TMOD3: variants seen among roughly 807,000 people sequenced by gnomAD.
TMOD3 encodes the protein tropomodulin-3.
Under a neutral mutation model 39.2 loss-of-function variants are expected in TMOD3, and 20 were observed. The ratio of observed to expected loss-of-function variants is 0.51; its 90% CI spans 0.36 to 0.74. The LOEUF (loss-of-function observed/expected upper bound fraction) is 0.74, where lower values mean the gene tolerates loss of function less well. TMOD3 is among the 30% of genes least tolerant of loss of function. The pLI, the probability that TMOD3 is intolerant of heterozygous loss-of-function variation, is 0.00. For missense variants in TMOD3, 381 were observed against 412.8 expected, an observed-to-expected ratio of 0.92 and a Z score of 0.67; for synonymous variants, 143 against 145.8, an observed-to-expected ratio of 0.98 and a Z score of 0.14.
intron 3 of TMOD3, among the ~76,000 whole-genome samples, chr15:51,869,929 G>GT (rs899128990): frequency 6.6e-6 from 1 of 151,736 alleles, no homozygotes; most frequent in Non-Finnish European, 1.5e-5. Context: ...GGCTGTGGTT[G>GT]TTTTTTTGTT....
rs1193465450 is a variant in TMOD3 at position 51,881,533 on chromosome 15, AC to A, written c.284-6055del. ...TTGCCTAATTCAAGGTCACGGAGAT[AC>A]AATCTTTCTTTATTTCTTTTTTTTT... On this transcript the variant is annotated intron_variant, in intron 3 of 9. Transcript: ENST00000308580. Among the ~76,000 whole-genome samples, 18 of 149,258 alleles carry A rather than the reference AC, an allele frequency of 1.2e-4. No individual in the cohort carries two copies. The East Asian group carries it at 3.3e-3, about 27-fold the overall frequency.
At chr15:51,900,406 G>A in intron 8 of TMOD3, 108 bp downstream of exon 8, 3 of 1,252,086 alleles carry the variant, frequency 2.4e-6, no homozygotes, top group Non-Finnish European at 3.3e-6. Flanking sequence ...GATCCCTGTT[G>A]GAAGATGCTG....
chr15:51,883,454 G>GT (rs1032749943), intron 3 of TMOD3, among the ~76,000 whole-genome samples: 4 of 151,616 alleles, frequency 2.6e-5, no homozygotes, highest in East Asian at 3.9e-4. Context: ...AGCTTGTTTA[G>GT]TTTTTTTTTA....
At chr15:51,867,519 AATTTTAT>A (rs1447686832) in intron 2 of TMOD3, among the ~76,000 whole-genome samples, 1 of 152,218 alleles carries the variant, frequency 6.6e-6, no homozygotes, top group African/African-American at 2.4e-5. Flanking sequence ...CACAGAAGTG[AATTTTAT>A]GAAAATTATT....
chr15:51,904,127 C>A (rs1278229451), intron 9 of TMOD3, among the ~76,000 whole-genome samples: 2 of 152,200 alleles, frequency 1.3e-5, no homozygotes, highest in Non-Finnish European at 2.9e-5. Context: ...GAAACCCTGG[C>A]TTGTTTCTCC....
chr15:51,894,204 A>T (rs1382612830), intron 6 of TMOD3, among the ~76,000 whole-genome samples: 1 of 152,188 alleles, frequency 6.6e-6, no homozygotes, highest in Non-Finnish European at 1.5e-5. Context: ...CAGGTTTTCT[A>T]AATACTGCCC....
chr15:51,831,387 A>C (rs1190335587), intron 1 of TMOD3, among the ~76,000 whole-genome samples: 1 of 152,208 alleles, frequency 6.6e-6, no homozygotes, highest in Admixed American at 6.5e-5. Context: ...TACAACAGAA[A>C]GGCCCTGAAT....
intron 1 of TMOD3, among the ~76,000 whole-genome samples, chr15:51,850,642 C>A (rs1567263174): frequency 6.6e-6 from 1 of 152,178 alleles, no homozygotes; most frequent in East Asian, 1.9e-4. Context: ...AGTGGTGATA[C>A]ATTTTAAATG....
At chr15:51,885,284 C>CTTTTTTTTTTTTTTT (rs67378569) in intron 3 of TMOD3, among the ~76,000 whole-genome samples, 1 of 126,974 alleles carries the variant, frequency 7.9e-6, no homozygotes, top group East Asian at 2.3e-4. Flanking sequence ...TTTCTTTTTT[C>CTTTTTTTTTTTTTTT]TTTTTTTTTT....
intron 1 of TMOD3, among the ~76,000 whole-genome samples, chr15:51,834,191 T>C (rs1309609830): frequency 6.6e-6 from 1 of 152,206 alleles, no homozygotes; most frequent in Non-Finnish European, 1.5e-5. Context: ...CTTTGTCACA[T>C]ATAGAGATAG....
chr15:51,891,638 G>A (rs760378913), intron 5 of TMOD3, among the ~76,000 whole-genome samples: 24 of 152,082 alleles, frequency 1.6e-4, no homozygotes, highest in Non-Finnish European at 3.4e-4. Context: ...AGGCTCTTAA[G>A]ATTTCTCTCC....
At chr15:51,903,046 A>C (rs2056660993) in intron 9 of TMOD3, among the ~76,000 whole-genome samples, 1 of 152,106 alleles carries the variant, frequency 6.6e-6, no homozygotes, top group African/African-American at 2.4e-5. Flanking sequence ...GGCCTCCCAA[A>C]GTGCTGGGAT....
chr15:51,896,439 A>G lies in TMOD3; in HGVS notation c.648A>G (p.Leu216=), dbSNP rs370201130. ...NNIKNIPIPT[L]KDFAKALETN... ...TCAAGAATATCCCAATTCCAACCCT[A>G]AAAGATTTTGCAAAGGCTTTGGAAA... Residue 216 remains leucine (L), a synonymous_variant, in exon 7 of 10, where the codon CTA becomes CTG. Transcript: ENST00000308580. 4 of 1,612,752 alleles carry G rather than the reference A, an allele frequency of 2.5e-6. No homozygotes were observed. In the East Asian group the frequency reaches 6.7e-5, roughly 27 times the overall value.
intron 9 of TMOD3, 97 bp from the exon 10 acceptor site, chr15:51,908,679 A>G: frequency 1.1e-6 from 1 of 885,474 alleles, no homozygotes; most frequent in East Asian, 2.8e-5. Flanking sequence ...TGTAAAACTT[A>G]TAACTGGATT....
Position 51,850,178 on chromosome 15 carries a change from TG to T in TMOD3, c.-74-12632del, listed in dbSNP as rs1190355011. Among the ~76,000 whole-genome samples the T allele has an allele frequency of 1.2e-4, 18 of 152,270 alleles. No individual in the cohort carries two copies. In the South Asian group the frequency reaches 3.7e-3, roughly 32 times the overall value. On this transcript the variant is annotated intron_variant, in intron 1 of 9. Transcript: ENST00000308580. The stretch of plus-strand genomic sequence containing the variant: ...ATGTGAAGTAGAAGGAGAGTTTATA[TG>T]TTTTTTATTTGAGGTATGTATTACA...
At chr15:51,902,770 C>T in intron 9 of TMOD3, among the ~76,000 whole-genome samples, 1 of 151,570 alleles carries the variant, frequency 6.6e-6, no homozygotes, top group Middle Eastern at 3.2e-3. Flanking sequence ...CTGCCTCAGC[C>T]TCCTGAGTAG....
At position 51,889,134 on chromosome 15, in the gene TMOD3, A is replaced by G; in HGVS notation, c.485A>G (p.Glu162Gly). The G allele has an allele frequency of 6.3e-7, 1 of 1,597,122 alleles. No homozygotes were observed. The highest frequency in any genetic ancestry group is 8.6e-7 in the Non-Finnish European group (1 of 1,168,986). Reference protein sequence around the residue: ...IMGSSNGVDQEHFSNVVKGEK... With the variant: ...IMGSSNGVDQGHFSNVVKGEK... ...GGAAGTAGTAATGGTGTTGACCAAG[A>G]ACATTTTTCAAGTGAGTACTTAAAA... Residue 162 changes from glutamate to glycine, a missense_variant, in exon 5 of 10, where the codon GAA becomes GGA. Physicochemically the swap from Glu to Gly is moderately conservative, Grantham distance 98 (BLOSUM62 -2). Coordinates refer to ENST00000308580, the MANE Select transcript of TMOD3 (RefSeq NM_014547.5).
chr15:51,902,479 T>C (rs1034583806), intron 9 of TMOD3, among the ~76,000 whole-genome samples: 1 of 152,016 alleles, frequency 6.6e-6, no homozygotes, highest in Non-Finnish European at 1.5e-5. Flanking sequence ...TTTTTGTTGT[T>C]GATTTTTTTT....
At position 51,908,827 on chromosome 15, in the gene TMOD3, T is replaced by A. The variant is rs374970124; in HGVS notation, c.*17T>A. On this transcript the variant is annotated 3_prime_UTR_variant, in exon 10 of 10. Coordinates refer to ENST00000308580, the MANE Select transcript of TMOD3 (RefSeq NM_014547.5). ...CACCAGTAAGTCTGCAAAGGTGTAA[T>A]CTTTGGAAGACTTCAGAAGATCACC... is the stretch of plus-strand genomic sequence containing the variant. 3.9e-4 allele frequency: 621 copies of A among 1,598,632 alleles called. No homozygotes were observed. The highest frequency in any genetic ancestry group is 4.9e-4 in the Non-Finnish European group (573 of 1,172,656).
Sources: allele counts gnomAD v4.1 joint callset (sites outside exome capture counted in the v4.1 genomes callset), GRCh38; gene constraint gnomAD v4.1.1; transcripts MANE v1.5; gene names NCBI Gene and HGNC (gene_info 2026-07-23, HGNC 2026-07-21).